Variants in ZNHIT6 observed in about 807,000 individuals in gnomAD.
ZNHIT6 encodes box C/D snoRNA protein 1.
Under a neutral mutation model 57.2 loss-of-function variants are expected in ZNHIT6, and 45 were observed. That is an observed-to-expected ratio of 0.79 (90% CI 0.62 to 1.01). ZNHIT6 has a LOEUF of 1.01. Ranked by LOEUF, ZNHIT6 falls within the 50% of genes least tolerant of loss-of-function variation. The pLI is 0.00. For missense variants in ZNHIT6, 528 were observed against 567.3 expected (o/e 0.93, Z 0.70); for synonymous variants, 188 against 190.0 (o/e 0.99, Z 0.09).
chr1:85,668,548 T>C (rs2100661608), intron 8 of ZNHIT6, among the ~76,000 whole-genome samples: 1 of 152,348 alleles, frequency 6.6e-6, no homozygotes, highest in Non-Finnish European at 1.5e-5. Context: ...TTAGAAATTC[T>C]GGAATTTCTT....
chr1:85,691,863 T>G (rs1360085506), intron 5 of ZNHIT6, among the ~76,000 whole-genome samples: 1 of 152,126 alleles, frequency 6.6e-6, no homozygotes, highest in East Asian at 1.9e-4. Flanking sequence ...ACAGCCTGGG[T>G]GACAGAGTAA....
chr1:85,705,996 A>G (rs1570339933), intron 4 of ZNHIT6, 82 bp downstream of exon 4: 9 of 1,123,146 alleles, frequency 8.0e-6, no homozygotes, highest in Non-Finnish European at 1.0e-5. Flanking sequence ...GCCACTTAAT[A>G]TATTTGGTAA....
chr1:85,667,961 A>AAAAAAAAAAAATATATATATAT, intron 8 of ZNHIT6, among the ~76,000 whole-genome samples: 5 of 18,202 alleles, frequency 2.7e-4, no homozygotes, highest in African/African-American at 4.2e-4. Flanking sequence ...AAAAAAAAAA[A>AAAAAAAAAAAATATATATATAT]ATATATATAT....
rs1465195249 is a variant in ZNHIT6 at position 85,669,148 on chromosome 1, T to C, written c.1247+8088A>G. ...GTTCTGAAAAGAAATACAGGTTACA[T>C]GTTCCACTGGGGAGAGGTTTACAGG... On this transcript the variant is annotated intron_variant, in intron 8 of 9. Coordinates refer to ENST00000370574, the MANE Select transcript of ZNHIT6 (RefSeq NM_017953.4). Among the ~76,000 whole-genome samples, 7 of 152,258 alleles carry C rather than the reference T, an allele frequency of 4.6e-5. No individual in the cohort carries two copies. In the South Asian group the frequency reaches 6.2e-4, roughly 14 times the overall value.
intron 5 of ZNHIT6, among the ~76,000 whole-genome samples, chr1:85,691,892 G>C (rs1314643582): frequency 6.6e-6 from 1 of 152,004 alleles, no homozygotes; most frequent in Non-Finnish European, 1.5e-5. Context: ...CTCAACGCCG[G>C]GTATGGTGGT....
At chr1:85,688,878 T>TAAC (rs1431754179) in intron 5 of ZNHIT6, among the ~76,000 whole-genome samples, 2 of 152,286 alleles carry the variant, frequency 1.3e-5, no homozygotes, top group South Asian at 4.1e-4. Flanking sequence ...CTTGATGATA[T>TAAC]AACCAAGTTG....
intron 7 of ZNHIT6, among the ~76,000 whole-genome samples, chr1:85,678,174 T>C (rs1009729820): frequency 3.9e-5 from 6 of 152,224 alleles, no homozygotes; most frequent in African/African-American, 1.4e-4. Context: ...CTTTTGTCCA[T>C]GCTGTATTTC....
chr1:85,667,194 C>G (rs1208658170), intron 8 of ZNHIT6, among the ~76,000 whole-genome samples: 1 of 152,100 alleles, frequency 6.6e-6, no homozygotes, highest in Non-Finnish European at 1.5e-5. Context: ...GGTCATACAG[C>G]TGTAGACGGG....
intron 4 of ZNHIT6, 28 bp from the exon 5 acceptor site, chr1:85,702,288 T>A: frequency 7.5e-7 from 1 of 1,340,958 alleles, no homozygotes; most frequent in Non-Finnish European, 1.0e-6. Flanking sequence ...ACAGACAAAT[T>A]AATTTTTAAA....
intron 5 of ZNHIT6, among the ~76,000 whole-genome samples, chr1:85,699,439 A>G (rs1662467052): frequency 2.0e-5 from 3 of 152,122 alleles, no homozygotes; most frequent in Admixed American, 2.0e-4. Context: ...TATGTAAATC[A>G]GTGCTTTTCA....
Position 85,707,765 on chromosome 1 carries a change from C to T in ZNHIT6, c.520G>A (p.Glu174Lys). 1 of 1,614,156 alleles carries T rather than the reference C, an allele frequency of 6.2e-7. No individual in the cohort carries two copies. Among genetic ancestry groups the T allele is most frequent in the East Asian group, 2.2e-5 (1 of 44,878 alleles). The change falls in exon 1 of 10, where the codon GAG becomes AAG. Residue 174 changes from glutamate (E) to lysine (K), a missense_variant. Coordinates refer to ENST00000370574, the MANE Select transcript of ZNHIT6 (RefSeq NM_017953.4). ...EEKFVGQCIKEELMHGECVKE... is the reference protein window; with the variant it reads ...EEKFVGQCIKKELMHGECVKE... ...ACACACTCTCCATGCATCAATTCCT[C>T]TTTTATGCATTGACCAACAAACTTC...
At chr1:85,698,561 A>G (rs1662443326) in intron 5 of ZNHIT6, among the ~76,000 whole-genome samples, 1 of 152,208 alleles carries the variant, frequency 6.6e-6, no homozygotes, top group Non-Finnish European at 1.5e-5. Context: ...AAGTGAAAAC[A>G]TGTAAATTTT....
At chr1:85,665,366 C>T (rs2100655911) in intron 8 of ZNHIT6, among the ~76,000 whole-genome samples, 1 of 151,926 alleles carries the variant, frequency 6.6e-6, no homozygotes, top group South Asian at 2.1e-4. Flanking sequence ...CTCAAATGAT[C>T]CTCCTGCCTC....
At chr1:85,679,588 T>G (rs959941288) in intron 6 of ZNHIT6, among the ~76,000 whole-genome samples, 19 of 150,134 alleles carry the variant, frequency 1.3e-4, no homozygotes, top group African/African-American at 3.5e-4. Flanking sequence ...TTTTAATTTT[T>G]TTGTTGTTGT....
intron 8 of ZNHIT6, among the ~76,000 whole-genome samples, chr1:85,671,252 C>A (rs996599695): frequency 2.0e-5 from 3 of 152,080 alleles, no homozygotes; most frequent in African/African-American, 7.2e-5. Context: ...TGGTGAGTGG[C>A]CTGTTGGGAA....
intron 5 of ZNHIT6, among the ~76,000 whole-genome samples, chr1:85,685,968 CT>C (rs1662022856): frequency 7.5e-6 from 1 of 134,008 alleles, no homozygotes; most frequent in Non-Finnish European, 1.6e-5. Context: ...TTTTTTTTTT[CT>C]TTTTTTTCTT....
chr1:85,684,328 T>C (rs959484497), intron 5 of ZNHIT6, among the ~76,000 whole-genome samples: 2 of 152,210 alleles, frequency 1.3e-5, no homozygotes, highest in Non-Finnish European at 2.9e-5. Context: ...TATTCATGCA[T>C]AGCAAAGCTG....
At chr1:85,705,984 T>A (rs1662672902) in intron 4 of ZNHIT6, 94 bp downstream of exon 4, 1 of 1,004,956 alleles carries the variant, frequency 1.0e-6, no homozygotes. Context: ...TACATCATGG[T>A]AGCCACTTAA....
chr1:85,691,896 T>A (rs184632695), intron 5 of ZNHIT6, among the ~76,000 whole-genome samples: 7 of 151,870 alleles, frequency 4.6e-5, no homozygotes, highest in Non-Finnish European at 8.8e-5. Flanking sequence ...ACGCCGGGTA[T>A]GGTGGTTCAT....
Sources: allele counts gnomAD v4.1 joint callset (sites outside exome capture counted in the v4.1 genomes callset), GRCh38; gene constraint gnomAD v4.1.1; transcripts MANE v1.5; gene names NCBI Gene and HGNC (gene_info 2026-07-23, HGNC 2026-07-21).